The following TAS2R1 variants were observed in gnomAD, a reference collection of about 807,000 sequenced individuals.
TAS2R1 encodes taste 2 receptor member 1.
For missense variants in TAS2R1, 370 were observed against 353.4 expected, an observed-to-expected ratio of 1.05 and a Z score of -0.38; for synonymous variants, 141 against 134.2, an observed-to-expected ratio of 1.05 and a Z score of -0.35.
chr5:9,842,312 C>CTTTTTTTTTTTTTTTTTTTTTTTTTTTT, the TAS2R1 span, among the ~76,000 whole-genome samples: 2 of 120,378 alleles, frequency 1.7e-5, no homozygotes, highest in Non-Finnish European at 1.8e-5. Flanking sequence ...GTCTTTCTTT[C>CTTTTTTTTTTTTTTTTTTTTTTTTTTTT]TCTCTTTTTT....
chr5:9,744,717 CTA>C, the TAS2R1 span, among the ~76,000 whole-genome samples: 1 of 152,106 alleles, frequency 6.6e-6, no homozygotes, highest in Admixed American at 6.5e-5. Flanking sequence ...GAACTGGTGA[CTA>C]TGTGAGGTTA....
rs375449668 is a variant in TAS2R1 at position 9,696,622 on chromosome 5, T to C, written c.-242+15550A>G. 1.6e-4 allele frequency among the ~76,000 whole-genome samples: 25 copies of C among 152,182 alleles called. No individual in the cohort carries two copies. In the East Asian group the frequency reaches 4.8e-3, roughly 29 times the overall value. On this transcript the variant is annotated intron_variant, in intron 1 of 2. Transcript: ENST00000506620. The stretch of plus-strand genomic sequence containing the variant: ...AAAATAAAAATAGAATATAAAAAAT[T>C]AAAGCATATAGCCAAGTATGTAATC...
intron 1 of TAS2R1, among the ~76,000 whole-genome samples, chr5:9,661,796 A>T (rs1036091231): frequency 6.6e-6 from 1 of 152,218 alleles, no homozygotes; most frequent in African/African-American, 2.4e-5. Context: ...ATATACACAG[A>T]TTTATACTAC....
chr5:9,765,788 T>C, the TAS2R1 span: 1 of 152,318 alleles, frequency 6.6e-6, no homozygotes, highest in East Asian at 1.9e-4. Context: ...CTATAGCAAG[T>C]TCTCACATCA....
At chr5:9,722,333 G>A in the TAS2R1 span, among the ~76,000 whole-genome samples, 1 of 151,818 alleles carries the variant, frequency 6.6e-6, no homozygotes, top group African/African-American at 2.4e-5. Context: ...AATAAATGCT[G>A]TCATTTTAAG....
chr5:9,840,857 AT>A, the TAS2R1 span, among the ~76,000 whole-genome samples: 15 of 132,098 alleles, frequency 1.1e-4, no homozygotes, highest in South Asian at 4.7e-4. Context: ...TTATTTATTT[AT>A]TTTTTTTTTT....
chr5:9,876,150 T>C, the TAS2R1 span, among the ~76,000 whole-genome samples: 4 of 150,110 alleles, frequency 2.7e-5, no homozygotes, highest in Admixed American at 2.0e-4. Flanking sequence ...TCCAGAAGGA[T>C]GAGGGCCTGG....
chr5:9,781,423 G>A, the TAS2R1 span, among the ~76,000 whole-genome samples: 1 of 152,170 alleles, frequency 6.6e-6, no homozygotes, highest in Non-Finnish European at 1.5e-5. Context: ...CTCCAGAGCT[G>A]CTTCTGCCCT....
chr5:9,759,233 A>C, the TAS2R1 span, among the ~76,000 whole-genome samples: 41 of 152,244 alleles, frequency 2.7e-4, no homozygotes, highest in African/African-American at 9.6e-4. Context: ...CTGGACAACC[A>C]TCATTGTACC....
chr5:9,870,407 C>T, the TAS2R1 span, among the ~76,000 whole-genome samples: 1 of 152,304 alleles, frequency 6.6e-6, no homozygotes, highest in East Asian at 1.9e-4. Flanking sequence ...CTTCTCTTTC[C>T]TCACACTTTT....
intron 1 of TAS2R1, among the ~76,000 whole-genome samples, chr5:9,698,202 T>A (rs1303177977): frequency 6.6e-6 from 1 of 152,240 alleles, no homozygotes; most frequent in Non-Finnish European, 1.5e-5. Flanking sequence ...AATATTTTAA[T>A]ATGTCCATTT....
chr5:9,700,714 C>T (rs1354146313), intron 1 of TAS2R1, among the ~76,000 whole-genome samples: 2 of 142,838 alleles, frequency 1.4e-5, no homozygotes, highest in East Asian at 3.9e-4. Context: ...TCAGCAGGAT[C>T]AGTTTTCTCT....
At chr5:9,676,549 A>G (rs1193273267) in intron 1 of TAS2R1, among the ~76,000 whole-genome samples, 3 of 152,182 alleles carry the variant, frequency 2.0e-5, no homozygotes, top group African/African-American at 7.2e-5. Flanking sequence ...TTGGGTATAC[A>G]TACATACATA....
the TAS2R1 span, among the ~76,000 whole-genome samples, chr5:9,741,021 C>T: frequency 6.6e-6 from 1 of 152,168 alleles, no homozygotes; most frequent in African/African-American, 2.4e-5. Context: ...AGCTTAGCCC[C>T]AGAGCAGCCG....
chr5:9,724,302 T>C, the TAS2R1 span, among the ~76,000 whole-genome samples: 5 of 152,102 alleles, frequency 3.3e-5, no homozygotes, highest in Non-Finnish European at 7.4e-5. Context: ...CCCTTTAATC[T>C]TTATTTGGCC....
chr5:9,861,036 G>GGTTTTTTTTT, the TAS2R1 span, among the ~76,000 whole-genome samples: 9 of 29,708 alleles, frequency 3.0e-4, no homozygotes, highest in African/African-American at 1.1e-3. Context: ...GGGAAGATGA[G>GGTTTTTTTTT]GTTTTTTTTT....
At chr5:9,725,682 C>T in the TAS2R1 span, among the ~76,000 whole-genome samples, 1 of 152,188 alleles carries the variant, frequency 6.6e-6, no homozygotes, top group Non-Finnish European at 1.5e-5. Context: ...GGCGCCCAGC[C>T]CCACCGACCA....
At chr5:9,683,214 C>CTT (rs1190099825) in intron 1 of TAS2R1, among the ~76,000 whole-genome samples, 1 of 151,744 alleles carries the variant, frequency 6.6e-6, no homozygotes, top group Non-Finnish European at 1.5e-5. Context: ...ATTATAATTG[C>CTT]TTAATAATCT....
At chr5:9,738,531 G>C in the TAS2R1 span, among the ~76,000 whole-genome samples, 1 of 152,082 alleles carries the variant, frequency 6.6e-6, no homozygotes, top group Non-Finnish European at 1.5e-5. Context: ...AGTCTGATAG[G>C]GGTACGGTTT....
Sources: gnomAD v4.1 joint callset for allele counts (sites outside exome capture counted in the v4.1 genomes callset) on GRCh38, gnomAD v4.1.1 for gene constraint, MANE v1.5 for transcripts, NCBI Gene and HGNC (gene_info 2026-07-23, HGNC 2026-07-21) for gene names.